ERO1A: variants seen among roughly 807,000 people sequenced by gnomAD.
The protein encoded by ERO1A is endoplasmic reticulum oxidoreductase 1 alpha.
A neutral mutation model predicts 76.9 loss-of-function variants in ERO1A; 49 were observed. The ratio of observed to expected loss-of-function variants is 0.64; its 90% confidence interval spans 0.51 to 0.81. The LOEUF (loss-of-function observed/expected upper bound fraction) is 0.81, where lower values mean the gene tolerates loss of function less well. ERO1A is among the 30% of genes least tolerant of loss of function. ERO1A has a pLI of 0.00. For missense variants in ERO1A, 448 were observed against 542.1 expected, an observed-to-expected ratio of 0.83 and a Z score of 1.72; for synonymous variants, 174 against 181.2, an observed-to-expected ratio of 0.96 and a Z score of 0.32.
intron 4 of ERO1A, among the ~76,000 whole-genome samples, chr14:52,677,531 G>A (rs746335198): frequency 2.6e-5 from 4 of 152,120 alleles, no homozygotes; most frequent in East Asian, 1.9e-4. Flanking sequence ...ATGGTGTCTT[G>A]GGTGGGATCC....
At position 52,656,244 on chromosome 14, in the gene ERO1A, A is replaced by G. The variant is rs533405642; in HGVS notation, c.808+1673T>C. On this transcript the variant is annotated intron_variant, in intron 11 of 15. Transcript: ENST00000395686. The stretch of plus-strand genomic sequence containing the variant: ...TTGTAAGTGAAATCATGAAATAATA[A>G]TCTTTGTGTCTGGCTCATTTTGACA... 1.8e-3 allele frequency among the ~76,000 whole-genome samples: 273 copies of G among 152,322 alleles called. 2 individuals are homozygous for G. The highest frequency in any genetic ancestry group is 8.1e-3 in the South Asian group (39 of 4,828).
intron 13 of ERO1A, among the ~76,000 whole-genome samples, chr14:52,648,314 G>C (rs1360085329): frequency 6.6e-6 from 1 of 151,900 alleles, no homozygotes; most frequent in Non-Finnish European, 1.5e-5. Flanking sequence ...CTTTAAACTA[G>C]AGCATTGACC....
chr14:52,679,278 T>A (rs2040906722), intron 3 of ERO1A, among the ~76,000 whole-genome samples: 1 of 152,208 alleles, frequency 6.6e-6, no homozygotes, highest in Admixed American at 6.5e-5. Context: ...CCCCATCTCC[T>A]CATCTGCTAT....
At chr14:52,650,839 C>T (rs1283123980) in intron 13 of ERO1A, among the ~76,000 whole-genome samples, 2 of 152,170 alleles carry the variant, frequency 1.3e-5, no homozygotes, top group African/African-American at 4.8e-5. Flanking sequence ...CAAATACATA[C>T]TCAGAGATGG....
chr14:52,658,105 T>C lies in ERO1A; in HGVS notation c.715+19A>G. On this transcript the variant is annotated intron_variant, in intron 10 of 15. Coordinates refer to ENST00000395686, the MANE Select transcript of ERO1A (RefSeq NM_014584.3). ...AGAAAAAAACCATCATTGAAATTTA[T>C]TTTAAAGTTTCTAATTACCTTCTAG... The C allele has an allele frequency of 6.6e-7, 1 of 1,507,034 alleles. No individual in the cohort carries two copies. Among genetic ancestry groups the C allele is most frequent in the Admixed American group, 1.8e-5 (1 of 54,236 alleles). 93.4% of individuals were successfully genotyped at this position (1,507,034 alleles called of 1,614,324 possible). A position where few individuals can be genotyped will look rare whatever the true frequency, so the allele number is the denominator to read the frequency against.
At chr14:52,652,130 C>T (rs779559463) in intron 13 of ERO1A, 109 bp downstream of exon 13, 2 of 612,874 alleles carry the variant, frequency 3.3e-6, no homozygotes, top group Non-Finnish European at 5.7e-6. Context: ...CTGCCCCTGG[C>T]CTACTCTCTA....
intron 13 of ERO1A, among the ~76,000 whole-genome samples, chr14:52,650,712 G>C (rs2039831135): frequency 6.6e-6 from 1 of 152,132 alleles, no homozygotes. Flanking sequence ...ACCCCCTCTG[G>C]AAATCCCTTG....
intron 1 of ERO1A, among the ~76,000 whole-genome samples, chr14:52,694,983 G>A (rs1401033607): frequency 6.6e-6 from 1 of 152,222 alleles, no homozygotes; most frequent in Non-Finnish European, 1.5e-5. Flanking sequence ...CAGGTACTGG[G>A]TACACAAGTT....
At chr14:52,686,108 C>T (rs564397253) in intron 1 of ERO1A, among the ~76,000 whole-genome samples, 48 of 152,124 alleles carry the variant, frequency 3.2e-4, no homozygotes, top group Admixed American at 7.2e-4. Context: ...GCTACTTGGG[C>T]GCCTGAGGCA....
In ERO1A at chr14:52,683,881, G is replaced by A; in HGVS notation, c.141C>T (p.Thr47=). 6.3e-7 allele frequency: 1 copy of A among 1,588,196 alleles called. No homozygotes were observed. Among genetic ancestry groups the A allele is most frequent in the Non-Finnish European group, 8.6e-7 (1 of 1,164,300 alleles). ...CQVSGYLDDC[T]CDVETIDRFN... is the part of the protein sequence containing the mutation. ...ATCTATCAATGGTTTCAACATCACA[G>A]GTACAATCATCCAAGTAACCACTAA... The change falls in exon 2 of 16, where the codon ACC becomes ACT. Residue 47 remains threonine, a synonymous_variant. Transcript: ENST00000395686.
At chr14:52,644,936 GA>G (rs1455726373) in intron 15 of ERO1A, among the ~76,000 whole-genome samples, 4 of 152,200 alleles carry the variant, frequency 2.6e-5, no homozygotes, top group African/African-American at 9.6e-5. Context: ...TTTAAATGAG[GA>G]AATGTAGTCC....
chr14:52,672,166 C>T (rs1308152026), intron 4 of ERO1A: 14 of 202,542 alleles, frequency 6.9e-5, no homozygotes, highest in Non-Finnish European at 1.3e-4. Context: ...ATTAGCAGGG[C>T]GTGGTGGCAG....
At chr14:52,668,077 A>G (rs928281097) in intron 6 of ERO1A, among the ~76,000 whole-genome samples, 23 of 152,308 alleles carry the variant, frequency 1.5e-4, no homozygotes, top group African/African-American at 4.3e-4. Context: ...GCAGAGTTCA[A>G]TGCAGAAGTG....
chr14:52,681,785 A>C lies in ERO1A; in HGVS notation c.318+540T>G, dbSNP rs536746891. Among the ~76,000 whole-genome samples the C allele has an allele frequency of 6.6e-5, 10 of 150,452 alleles. No individual in the cohort carries two copies. The South Asian group carries it at 2.1e-3, about 31-fold the overall frequency. ...GTCCACTCACACCCCAGGAAATCCA[A>C]GGCAAAAACACACCCGAAAAAAGAG... On this transcript the variant is annotated intron_variant, in intron 3 of 15. Transcript: ENST00000395686.
chr14:52,692,965 G>A (rs988388328), intron 1 of ERO1A, among the ~76,000 whole-genome samples: 3 of 135,026 alleles, frequency 2.2e-5, no homozygotes, highest in Non-Finnish European at 1.6e-5. Flanking sequence ...TTCACTTATA[G>A]AATTGGAATT....
At chr14:52,692,501 G>A (rs1010970160) in intron 1 of ERO1A, among the ~76,000 whole-genome samples, 3 of 152,118 alleles carry the variant, frequency 2.0e-5, no homozygotes, top group African/African-American at 2.4e-5. Context: ...AACAATCAAC[G>A]GGACTGTGCA....
At position 52,646,429 on chromosome 14, in the gene ERO1A, T is replaced by C. The variant is rs2039657949; in HGVS notation, c.1158A>G (p.Ser386=). The C allele has an allele frequency of 1.2e-6, 2 of 1,612,612 alleles. No individual in the cohort carries two copies. Among genetic ancestry groups the C allele is most frequent in the African/African-American group, 1.3e-5 (1 of 74,856 alleles). The change falls in exon 14 of 16, where the codon TCA becomes TCG. Residue 386 remains serine, a synonymous_variant. Coordinates refer to ENST00000395686, the MANE Select transcript of ERO1A (RefSeq NM_014584.3). ...AACAACCAACACAATCCATAATTCTTGAAATATTTCTAAAATGCAGTCGAA... is the reference window on the plus strand; with the variant it reads ...AACAACCAACACAATCCATAATTCTCGAAATATTTCTAAAATGCAGTCGAA... ...EDFRLHFRNI[S]RIMDCVGCFK...
intron 1 of ERO1A, among the ~76,000 whole-genome samples, chr14:52,692,544 G>A (rs2041387676): frequency 6.6e-6 from 1 of 152,186 alleles, no homozygotes; most frequent in African/African-American, 2.4e-5. Flanking sequence ...AACCAGAGAA[G>A]ATTTTAACTT....
intron 15 of ERO1A, among the ~76,000 whole-genome samples, chr14:52,645,266 T>A (rs1362041460): frequency 6.6e-6 from 1 of 151,540 alleles, no homozygotes; most frequent in Non-Finnish European, 1.5e-5. Context: ...ATTCAATGAG[T>A]AATTATAATT....
Sources: allele counts gnomAD v4.1 joint callset (sites outside exome capture counted in the v4.1 genomes callset), GRCh38; gene constraint gnomAD v4.1.1; transcripts MANE v1.5; gene names NCBI Gene and HGNC (gene_info 2026-07-23, HGNC 2026-07-21).